Variants in TTC23L observed in about 807,000 individuals in gnomAD.
TTC23L encodes tetratricopeptide repeat protein 23-like.
A neutral mutation model predicts 48.1 loss-of-function variants in TTC23L; 42 were observed. The observed-to-expected ratio is 0.87, with a 90% CI of 0.68 to 1.13. The LOEUF (loss-of-function observed/expected upper bound fraction) is 1.13. TTC23L is among the 50% of genes most tolerant of loss of function. The probability of loss-of-function intolerance (pLI) is 0.00; values close to 1 mark genes in which losing one functional copy is unlikely to be tolerated. For synonymous variants in TTC23L, 159 were observed against 157.2 expected (o/e 1.01, Z -0.09); for missense variants, 391 against 421.0 (o/e 0.93, Z 0.62).
intron 3 of TTC23L, among the ~76,000 whole-genome samples, chr5:34,849,048 G>T (rs1714240915): frequency 6.6e-6 from 1 of 152,286 alleles, no homozygotes; most frequent in East Asian, 1.9e-4. Context: ...CTGAAAGCTA[G>T]TAAAGGGCAA....
chr5:34,869,827 A>G (rs891970675), intron 8 of TTC23L: 1 of 152,178 alleles, frequency 6.6e-6, no homozygotes, highest in African/African-American at 2.4e-5. Context: ...CATTAAATAA[A>G]CATTTTTTTT....
At chr5:34,859,139 T>C (rs958164030) in intron 4 of TTC23L, among the ~76,000 whole-genome samples, 5 of 152,178 alleles carry the variant, frequency 3.3e-5, no homozygotes, top group African/African-American at 1.2e-4. Context: ...GGGTGGTTTT[T>C]AGTAGCTCCT....
At chr5:34,868,412 A>T (rs760954982) in intron 7 of TTC23L, 1 of 153,690 alleles carries the variant, frequency 6.5e-6, no homozygotes, top group African/African-American at 2.4e-5. Flanking sequence ...TTTTAGCACA[A>T]ATAATATAAA....
the TTC23L span, chr5:34,915,964 A>G: frequency 6.8e-7 from 1 of 1,462,172 alleles, no homozygotes; most frequent in African/African-American, 1.4e-5. Context: ...TGGGTTACTT[A>G]CTTGACTACA....
rs1580448387 is a variant in TTC23L, at chr5:34,863,649, A to G, written c.536+595A>G. Among the ~76,000 whole-genome samples, 1 of 152,212 alleles carries G rather than the reference A, an allele frequency of 6.6e-6. No homozygotes were observed. Among genetic ancestry groups the G allele is most frequent in the South Asian group, 2.1e-4 (1 of 4,832 alleles). ...TGAAATGCTCTTGTGGATACTGCCC[A>G]TGAGGCTGGAGGCCAAGCAAAATAG... On this transcript the variant is annotated intron_variant, in intron 5 of 10. Transcript: ENST00000505624. The surrounding 1 kb of genome is among the most constrained non-coding windows in gnomAD (Gnocchi z 4.1).
At chr5:34,923,557 C>T in the TTC23L span, among the ~76,000 whole-genome samples, 2 of 152,100 alleles carry the variant, frequency 1.3e-5, no homozygotes, top group African/African-American at 2.4e-5. Context: ...GGATTCCAGG[C>T]GTGAGCCACT....
chr5:34,917,751 ACT>A, the TTC23L span, among the ~76,000 whole-genome samples: 1 of 152,008 alleles, frequency 6.6e-6, no homozygotes, highest in Non-Finnish European at 1.5e-5. Context: ...TTAATATAAG[ACT>A]CTAAGTAAGT....
At chr5:34,839,541 G>A (rs1758418497) in intron 1 of TTC23L, 7 of 757,012 alleles carry the variant, frequency 9.2e-6, no homozygotes, top group Non-Finnish European at 1.1e-5. Flanking sequence ...GAGTCCGGGA[G>A]TTTGAGAGAT....
intron 7 of TTC23L, chr5:34,868,000 A>G (rs1481047260): frequency 6.6e-6 from 1 of 152,232 alleles, no homozygotes; most frequent in Non-Finnish European, 1.5e-5. Flanking sequence ...GCACCAAAAG[A>G]TAAGAGTTAA....
downstream of TTC23L, among the ~76,000 whole-genome samples, chr5:34,900,731 G>A (rs923264824): frequency 2.6e-5 from 4 of 152,140 alleles, no homozygotes; most frequent in Non-Finnish European, 5.9e-5. Context: ...CTTCATATGG[G>A]TCCCATGGTA....
chr5:34,910,391 TC>T, the TTC23L span, among the ~76,000 whole-genome samples: 1 of 151,934 alleles, frequency 6.6e-6, no homozygotes, highest in South Asian at 2.1e-4. Flanking sequence ...AATTTTTAAC[TC>T]CCCAAAGTCA....
chr5:34,896,877 T>C lies in TTC23L; in HGVS notation c.*97+2T>C. The C allele has an allele frequency of 1.4e-6, 1 of 718,098 alleles. No individual in the cohort carries two copies. The highest frequency in any genetic ancestry group is 2.6e-6 in the Non-Finnish European group (1 of 385,980). The allele number at this position is 718,098 out of a possible 1,614,324, so 44.5% of individuals were successfully genotyped here. A position where few individuals can be genotyped will look rare whatever the true frequency, so the allele number is the denominator to read the frequency against. On this transcript the variant is annotated splice_donor_variant, in intron 10 of 10. Coordinates refer to ENST00000505624, the Ensembl canonical transcript of TTC23L. LOFTEE classifies it low-confidence loss of function (3UTR_SPLICE). ...CAGAGGGCAGTGTATGGAGGAATGGTAAGTACTTTACAGCTGTTGTACAGG... is the reference window on the plus strand; with the variant it reads ...CAGAGGGCAGTGTATGGAGGAATGGCAAGTACTTTACAGCTGTTGTACAGG...
chr5:34,850,675 G>GAGCATCAGGGAGGCAGCATCAGGGAGGC (rs1190169516), intron 4 of TTC23L, among the ~76,000 whole-genome samples: 2 of 152,106 alleles, frequency 1.3e-5, no homozygotes, highest in African/African-American at 4.8e-5. Context: ...GACAGGCAGG[G>GAGCATCAGGGAGGCAGCATCAGGGAGGC]ATGTACACTC....
intron 3 of TTC23L, 27 bp downstream of exon 3, chr5:34,845,700 T>C: frequency 6.3e-7 from 1 of 1,585,856 alleles, no homozygotes; most frequent in Non-Finnish European, 8.6e-7. Context: ...ACTAAAATTT[T>C]GTTTCCATTT....
At chr5:34,857,768 G>T (rs569172156) in intron 4 of TTC23L, among the ~76,000 whole-genome samples, 43 of 152,070 alleles carry the variant, frequency 2.8e-4, no homozygotes, top group African/African-American at 1.0e-3. Context: ...TTACCATTTT[G>T]TAGGTGAATA....
the TTC23L span, chr5:34,906,741 G>A: frequency 6.0e-4 from 92 of 152,292 alleles, no homozygotes; most frequent in African/African-American, 2.1e-3. Flanking sequence ...TGAAATTGGA[G>A]AGTCTTTCAT....
At chr5:34,840,244 G>T (rs1028523770) in intron 1 of TTC23L, among the ~76,000 whole-genome samples, 1 of 142,734 alleles carries the variant, frequency 7.0e-6, no homozygotes, top group Non-Finnish European at 1.5e-5. Flanking sequence ...CCCCGGGGGG[G>T]GGGGGGAAAG....
the TTC23L span, chr5:34,916,118 C>T: frequency 2.2e-6 from 1 of 455,822 alleles, no homozygotes; most frequent in Non-Finnish European, 3.8e-6. Flanking sequence ...AAACCTTTAC[C>T]CGGCCCACGG....
Position 34,858,696 on chromosome 5 carries a change from G to C in TTC23L, c.380-4202G>C, listed in dbSNP as rs1760326079. On this transcript the variant is annotated intron_variant, in intron 4 of 10. Coordinates refer to ENST00000505624, the Ensembl canonical transcript of TTC23L. Reference sequence around the variant, plus strand: ...AAAGGCTTCAGATAAAAAAAAAATAGAGAAGTTTTGATTTCCCCCTCACAC... The same window carrying C: ...AAAGGCTTCAGATAAAAAAAAAATACAGAAGTTTTGATTTCCCCCTCACAC... 2.0e-5 allele frequency among the ~76,000 whole-genome samples: 3 copies of C among 151,250 alleles called. No homozygotes were observed. The South Asian group carries it at 6.3e-4, about 32-fold the overall frequency.
Sources: gnomAD v4.1 joint callset for allele counts (sites outside exome capture counted in the v4.1 genomes callset) on GRCh38, gnomAD v4.1.1 for gene constraint, Gnocchi (gnomAD v3.1) non-coding constraint, MANE v1.5 for transcripts, NCBI Gene and HGNC (gene_info 2026-07-23, HGNC 2026-07-21) for gene names.